The following IP6K2 variants were observed in gnomAD, a reference collection of about 807,000 sequenced individuals.
The protein encoded by IP6K2 is inositol hexakisphosphate kinase 2.
A neutral mutation model predicts 43.3 loss-of-function variants in IP6K2; 9 were observed. That is an observed-to-expected ratio of 0.21 (90% CI 0.13 to 0.36). IP6K2 has a LOEUF of 0.36. Among genes scored for constraint, IP6K2 ranks in the 10% least tolerant of loss-of-function variants. The probability of loss-of-function intolerance (pLI) is 1.00; values close to 1 mark genes in which losing one functional copy is unlikely to be tolerated. For synonymous variants in IP6K2, 209 were observed against 202.4 expected, an observed-to-expected ratio of 1.03 and a Z score of -0.28; for missense variants, 332 against 538.4, an observed-to-expected ratio of 0.62 and a Z score of 3.79.
chr3:48,709,747 G>A (rs954360131), intron 1 of IP6K2, among the ~76,000 whole-genome samples: 2 of 151,712 alleles, frequency 1.3e-5, no homozygotes, highest in African/African-American at 2.4e-5. Flanking sequence ...TGAGGCAGGA[G>A]AATCACTTGA....
chr3:48,693,258 T>G, intron 2 of IP6K2, 79 bp from the exon 3 acceptor site: 1 of 1,346,960 alleles, frequency 7.4e-7, no homozygotes, highest in Non-Finnish European at 1.1e-6. Context: ...GTAACATTTG[T>G]TTTTTTCTTA....
At chr3:48,694,970 A>G in intron 2 of IP6K2, 120 bp downstream of exon 2, 1 of 1,595,220 alleles carries the variant, frequency 6.3e-7, no homozygotes, top group Non-Finnish European at 8.5e-7. Flanking sequence ...GAGGAGAGGG[A>G]GGGAAAGCAC....
At chr3:48,713,946 G>A (rs185864292) in intron 1 of IP6K2, among the ~76,000 whole-genome samples, 22 of 151,428 alleles carry the variant, frequency 1.5e-4, no homozygotes, top group Middle Eastern at 3.5e-3. Context: ...GTGAAACCCC[G>A]TCTCTACTAA....
Position 48,695,970 on chromosome 3 carries a change from C to T in IP6K2, c.-130-549G>A, listed in dbSNP as rs1176957162. Reference sequence around the variant, plus strand: ...CACAATCTCGACTCACTGCAACCTCCGCCTCTCAGGGTTCAAGCCATTTTC... The same window carrying T: ...CACAATCTCGACTCACTGCAACCTCTGCCTCTCAGGGTTCAAGCCATTTTC... On this transcript the variant is annotated intron_variant, in intron 1 of 5. Transcript: ENST00000328631. This position sits in a 1 kb window ranked among gnomAD's most constrained non-coding sequence, Gnocchi z 4.6. Among the ~76,000 whole-genome samples the T allele has an allele frequency of 1.3e-5, 2 of 151,266 alleles. No individual in the cohort carries two copies. Among genetic ancestry groups the T allele is most frequent in the Non-Finnish European group, 2.9e-5 (2 of 67,912 alleles).
At chr3:48,703,475 C>T (rs548589935) in intron 1 of IP6K2, among the ~76,000 whole-genome samples, 2 of 149,456 alleles carry the variant, frequency 1.3e-5, no homozygotes. Context: ...GAGGCCCAGG[C>T]GGGTGGATCA....
At position 48,691,470 on chromosome 3, in the gene IP6K2, T is replaced by G. The variant is rs1250590839; in HGVS notation, c.441A>C (p.Glu147Asp). The G allele has an allele frequency of 6.2e-7, 1 of 1,609,230 alleles. No individual in the cohort carries two copies. Among genetic ancestry groups the G allele is most frequent in the African/African-American group, 1.3e-5 (1 of 74,710 alleles). Residue 147 changes from glutamate to aspartate, a missense_variant, in exon 4 of 6, where the codon GAA becomes GAC. Physicochemically the swap from Glu to Asp is conservative, Grantham distance 45. Coordinates refer to ENST00000328631, the MANE Select transcript of IP6K2 (RefSeq NM_016291.4). ...ATTTCTTTAGCCACTCAAATTCTTCTTCTAACTTATGGCTATAAAGAGATA... is the reference window on the plus strand; with the variant it reads ...ATTTCTTTAGCCACTCAAATTCTTCGTCTAACTTATGGCTATAAAGAGATA... ...KEEKMKSHKL[E>D]EEFEWLKKSE... is the part of the protein sequence containing the mutation.
At position 48,695,069 on chromosome 3, in the gene IP6K2, C is replaced by T. The variant is rs1171895438; in HGVS notation, c.202+21G>A. The T allele has an allele frequency of 6.2e-7, 1 of 1,614,116 alleles. No individual in the cohort carries two copies. On this transcript the variant is annotated intron_variant, in intron 2 of 5. Coordinates refer to ENST00000328631, the MANE Select transcript of IP6K2 (RefSeq NM_016291.4). The surrounding 1 kb of genome is among the most constrained non-coding windows in gnomAD (Gnocchi z 4.6). Reference sequence around the variant, plus strand: ...ACATCTCCTCGCCAGTGTGGCAACCCCTCCAGCAGCTGGGACTTACCTTTG... The same window carrying T: ...ACATCTCCTCGCCAGTGTGGCAACCTCTCCAGCAGCTGGGACTTACCTTTG...
Position 48,695,038 on chromosome 3 carries a change from T to TCTCTCACATCTC in IP6K2, c.202+40_202+51dup, listed in dbSNP as rs761795320. The TCTCTCACATCTC allele has an allele frequency of 2.5e-6, 4 of 1,613,948 alleles. No individual in the cohort carries two copies. The highest frequency in any genetic ancestry group is 3.3e-5 in the Admixed American group (2 of 59,998). The stretch of plus-strand genomic sequence containing the variant: ...CTGCCAGGGCCTTCCATGGCCACGA[T>TCTCTCACATCTC]CTCTCACATCTCCTCGCCAGTGTGG... On this transcript the variant is annotated intron_variant, in intron 2 of 5. Coordinates refer to ENST00000328631, the MANE Select transcript of IP6K2 (RefSeq NM_016291.4). The surrounding 1 kb of genome is among the most constrained non-coding windows in gnomAD (Gnocchi z 4.6).
chr3:48,688,309 G>A lies in IP6K2; in HGVS notation c.1245C>T (p.Asp415=). The stretch of plus-strand genomic sequence containing the variant: ...TCTCCTCACTTATCTCTGTGACAAT[G>A]TCTATCAGGCTCTGGAGCCCGAAGA... The part of the protein sequence containing the change: ...GYIFGLQSLI[D]IVTEISEESG... The change falls in exon 6 of 6, where the codon GAC becomes GAT. Residue 415 remains aspartate, a synonymous_variant. Coordinates refer to ENST00000328631, the MANE Select transcript of IP6K2 (RefSeq NM_016291.4). This position sits in a 1 kb window ranked among gnomAD's most constrained non-coding sequence, Gnocchi z 5.1. The A allele has an allele frequency of 6.2e-7, 1 of 1,614,166 alleles. No homozygotes were observed.
intron 3 of IP6K2, among the ~76,000 whole-genome samples, 177 bp from the exon 4 acceptor site, chr3:48,691,659 T>C (rs2077793677): frequency 6.6e-6 from 1 of 151,824 alleles, no homozygotes; most frequent in South Asian, 2.1e-4. Flanking sequence ...CTACTAAAAA[T>C]ACAAAAATTA....
chr3:48,700,630 G>T (rs1218135209), intron 1 of IP6K2, among the ~76,000 whole-genome samples: 1 of 152,106 alleles, frequency 6.6e-6, no homozygotes, highest in Non-Finnish European at 1.5e-5. Flanking sequence ...TTGGTTTAAG[G>T]ATCTGTTGGA....
intron 1 of IP6K2, chr3:48,715,300 A>G: frequency 4.6e-6 from 7 of 1,536,144 alleles, no homozygotes; most frequent in Non-Finnish European, 6.1e-6. Flanking sequence ...GAGCCAAACA[A>G]TGGAAAATTT....
chr3:48,691,274 T>G, intron 4 of IP6K2, 33 bp downstream of exon 4: 1 of 1,569,752 alleles, frequency 6.4e-7, no homozygotes, highest in Non-Finnish European at 8.7e-7. Context: ...CCTCTTACCC[T>G]CAAATGCAGA....
In IP6K2 at chr3:48,691,431, G is replaced by A; in HGVS notation, c.480C>T (p.Tyr160=). The change falls in exon 4 of 6, where the codon TAC becomes TAT. Residue 160 remains tyrosine (Y), a synonymous_variant. Transcript: ENST00000328631. ...FEWLKKSEVL[Y]YTVEKKGNIS... ...TATTCCCCTTCTTCTCTACAGTGTA[G>A]TACAAGACTTCAGATTTCTTTAGCC... is the stretch of plus-strand genomic sequence containing the variant. 1.5e-5 allele frequency: 24 copies of A among 1,613,084 alleles called. 1 individual carries two copies. The Middle Eastern group carries it at 2.6e-3, about 177-fold the overall frequency.
intron 1 of IP6K2, chr3:48,715,345 C>T: frequency 6.5e-7 from 1 of 1,536,148 alleles, no homozygotes; most frequent in East Asian, 2.4e-5. Context: ...GAGGTTCAGG[C>T]TCATCCCTGT....
In IP6K2 at chr3:48,695,053, C is replaced by T. The variant is rs750247896; in HGVS notation, c.202+37G>A. 7.4e-6 allele frequency: 12 copies of T among 1,614,002 alleles called. No homozygotes were observed. Among genetic ancestry groups the T allele is most frequent in the Non-Finnish European group, 9.3e-6 (11 of 1,179,978 alleles). On this transcript the variant is annotated intron_variant, in intron 2 of 5. Coordinates refer to ENST00000328631, the MANE Select transcript of IP6K2 (RefSeq NM_016291.4). The surrounding 1 kb of genome is among the most constrained non-coding windows in gnomAD (Gnocchi z 4.6). Reference sequence around the variant, plus strand: ...ATGGCCACGATCTCTCACATCTCCTCGCCAGTGTGGCAACCCCTCCAGCAG... The same window carrying T: ...ATGGCCACGATCTCTCACATCTCCTTGCCAGTGTGGCAACCCCTCCAGCAG...
intron 1 of IP6K2, among the ~76,000 whole-genome samples, chr3:48,700,976 T>C (rs2078956961): frequency 6.6e-6 from 1 of 152,224 alleles, no homozygotes; most frequent in African/African-American, 2.4e-5. Flanking sequence ...CTGGTAGCAA[T>C]GCAAAGCCAC....
At position 48,690,922 on chromosome 3, in the gene IP6K2, C is replaced by T. The variant is rs1334042763; in HGVS notation, c.604+385G>A. 4.6e-5 allele frequency among the ~76,000 whole-genome samples: 7 copies of T among 152,162 alleles called. No individual in the cohort carries two copies. In the East Asian group the frequency reaches 1.3e-3, roughly 29 times the overall value. Reference sequence around the variant, plus strand: ...CCAGGACTGATCAGGTCAGTCTCCTCACCCAAACACCCCAGCCCTTGGCAG... The same window carrying T: ...CCAGGACTGATCAGGTCAGTCTCCTTACCCAAACACCCCAGCCCTTGGCAG... On this transcript the variant is annotated intron_variant, in intron 4 of 5. Transcript: ENST00000328631.
chr3:48,707,095 C>T (rs951715074), intron 1 of IP6K2, among the ~76,000 whole-genome samples: 2 of 152,012 alleles, frequency 1.3e-5, no homozygotes, highest in African/African-American at 4.8e-5. Flanking sequence ...ACAAAACCTG[C>T]CCTATACTAG....
Sources: allele counts gnomAD v4.1 joint callset (sites outside exome capture counted in the v4.1 genomes callset), GRCh38; gene constraint gnomAD v4.1.1; non-coding constraint Gnocchi (gnomAD v3.1); transcripts MANE v1.5; gene names NCBI Gene and HGNC (gene_info 2026-07-23, HGNC 2026-07-21).